WBP1L: variants seen among roughly 807,000 people sequenced by gnomAD.
The protein encoded by WBP1L is WW domain binding protein 1 like, also known as WW domain binding protein 1-like.
Under a neutral mutation model 33.7 loss-of-function variants are expected in WBP1L, and 17 were observed. The observed-to-expected ratio is 0.50, with a 90% CI of 0.34 to 0.76. The LOEUF (loss-of-function observed/expected upper bound fraction) is 0.76. WBP1L is among the 30% of genes least tolerant of loss of function. The pLI, the probability that WBP1L is intolerant of heterozygous loss-of-function variation, is 0.01. For missense variants in WBP1L, 389 were observed against 469.4 expected (o/e 0.83, Z 1.58); for synonymous variants, 173 against 190.8 (o/e 0.91, Z 0.77).
intron 2 of WBP1L, among the ~76,000 whole-genome samples, chr10:102,799,581 G>C (rs1843622784): frequency 2.6e-5 from 4 of 152,160 alleles, no homozygotes; most frequent in Non-Finnish European, 2.9e-5. Context: ...CGAGGCCCCA[G>C]GTGACTGACA....
chr10:102,747,707 C>G (rs1842880489), intron 1 of WBP1L, among the ~76,000 whole-genome samples: 1 of 151,840 alleles, frequency 6.6e-6, no homozygotes, highest in Non-Finnish European at 1.5e-5. Flanking sequence ...TTGTATTTTT[C>G]TGTAGAGATG....
chr10:102,782,093 C>T lies in WBP1L; in HGVS notation c.91-15900C>T, dbSNP rs551110905. On this transcript the variant is annotated intron_variant, in intron 1 of 3. Coordinates refer to ENST00000448841, the MANE Select transcript of WBP1L (RefSeq NM_001083913.2). ...ATGTTGGCCAGGTTGGTCTGAAACT[C>T]CTGACCTCAGGTGATGCACCTGCCA... Among the ~76,000 whole-genome samples the T allele has an allele frequency of 3.9e-5, 6 of 152,154 alleles. 1 individual carries two copies. The South Asian group carries it at 1.0e-3, about 26-fold the overall frequency.
intron 1 of WBP1L, among the ~76,000 whole-genome samples, chr10:102,791,460 A>T (rs528435922): frequency 6.6e-6 from 1 of 152,284 alleles, no homozygotes; most frequent in South Asian, 2.1e-4. Flanking sequence ...AAGGGGGTCA[A>T]TACATATGTG....
chr10:102,799,325 A>G (rs1216942140), intron 2 of WBP1L, among the ~76,000 whole-genome samples: 1 of 141,150 alleles, frequency 7.1e-6, no homozygotes. Flanking sequence ...GGCTCCATCT[A>G]AAAAAAAAAA....
At chr10:102,757,346 C>T (rs985544049) in intron 1 of WBP1L, among the ~76,000 whole-genome samples, 8 of 152,214 alleles carry the variant, frequency 5.3e-5, no homozygotes, top group South Asian at 4.1e-4. Context: ...GTTTGCACAT[C>T]ATCGTGCCCT....
chr10:102,787,601 A>G (rs938404091), intron 1 of WBP1L, among the ~76,000 whole-genome samples: 1 of 151,898 alleles, frequency 6.6e-6, no homozygotes, highest in African/African-American at 2.4e-5. Context: ...AGGGGGAAAA[A>G]AAAGAGAGGG....
chr10:102,802,640 T>G (rs972864327), intron 2 of WBP1L, among the ~76,000 whole-genome samples: 1 of 151,952 alleles, frequency 6.6e-6, no homozygotes, highest in Non-Finnish European at 1.5e-5. Context: ...GAATTACAGG[T>G]GTGCGCCAGC....
chr10:102,808,510 G>A (rs933085067), intron 2 of WBP1L, among the ~76,000 whole-genome samples: 9 of 149,096 alleles, frequency 6.0e-5, no homozygotes, highest in South Asian at 4.2e-4. Flanking sequence ...CCTCTGTTCC[G>A]CCACCCTTCC....
intron 1 of WBP1L, among the ~76,000 whole-genome samples, chr10:102,760,376 C>CTTTTTTT (rs71019612): frequency 1.0e-5 from 1 of 96,216 alleles, no homozygotes. Flanking sequence ...TTCTTTCTTT[C>CTTTTTTT]TTTTTTTTTT....
chr10:102,804,109 CCAGGTGTGGTGACTCA>C (rs1195596112), intron 2 of WBP1L: 3 of 151,998 alleles, frequency 2.0e-5, no homozygotes, highest in African/African-American at 7.3e-5. Context: ...CCTAAGTTGG[CCAGGTGTGGTGACTCA>C]CACCTGTAAT....
At chr10:102,744,417 G>A in intron 1 of WBP1L, 1 of 985,400 alleles carries the variant, frequency 1.0e-6, no homozygotes, top group Non-Finnish European at 1.2e-6. Flanking sequence ...ACTGTGGCTG[G>A]ATAGCGGTGC....
rs779749788 is a variant in WBP1L, at chr10:102,810,564, C to CTTTT, written c.355+526_355+529dup. On this transcript the variant is annotated intron_variant, in intron 3 of 3. Coordinates refer to ENST00000448841, the MANE Select transcript of WBP1L (RefSeq NM_001083913.2). Reference sequence around the variant, plus strand: ...TCCCTCCCTCTCTCTCTCTCTATTTCTTTTTTTTTTTTTTTTTTTGAGATG... The same window carrying CTTTT: ...TCCCTCCCTCTCTCTCTCTCTATTTCTTTTTTTTTTTTTTTTTTTTTTTGAGATG... Among the ~76,000 whole-genome samples the CTTTT allele has an allele frequency of 3.0e-3, 177 of 59,818 alleles. 42 individuals carry two copies. The highest frequency in any genetic ancestry group is 0.021 in the Middle Eastern group (1 of 48). The allele number at this position is 59,818 out of a possible 152,430, so 39.2% of individuals were successfully genotyped here. A position where few individuals can be genotyped will look rare whatever the true frequency, so the allele number is the denominator to read the frequency against.
chr10:102,803,561 A>G (rs1480121839), intron 2 of WBP1L, among the ~76,000 whole-genome samples: 1 of 151,514 alleles, frequency 6.6e-6, no homozygotes, highest in East Asian at 1.9e-4. Context: ...TGTTGGGGAA[A>G]GGAGGGTCAT....
At chr10:102,806,235 TA>T (rs10588358) in intron 2 of WBP1L, among the ~76,000 whole-genome samples, 133 of 145,076 alleles carry the variant, frequency 9.2e-4, no homozygotes, top group East Asian at 3.1e-3. Context: ...AACAATAAAG[TA>T]AAAAAAAAAA....
chr10:102,799,859 C>A (rs1466214079), intron 2 of WBP1L, among the ~76,000 whole-genome samples: 1 of 152,170 alleles, frequency 6.6e-6, no homozygotes, highest in Non-Finnish European at 1.5e-5. Context: ...GTCTGTCCAT[C>A]TGAAATGCAG....
chr10:102,813,304 C>T lies in WBP1L; in HGVS notation c.1065C>T (p.Asn355=). ...CCATCAACGAGCAGGACTCTCCCAACTCCCAGAGCAGCAGCTCCCCCAGCT... is the reference window on the plus strand; with the variant it reads ...CCATCAACGAGCAGGACTCTCCCAATTCCCAGAGCAGCAGCTCCCCCAGCT... ...LNTINEQDSP[N]SQSSSSPS is the part of the protein sequence containing the mutation. The change falls in exon 4 of 4, where the codon AAC becomes AAT. Residue 355 remains asparagine, a synonymous_variant. Transcript: ENST00000448841. The T allele has an allele frequency of 6.2e-7, 1 of 1,610,168 alleles. No homozygotes were observed. Among genetic ancestry groups the T allele is most frequent in the East Asian group, 2.2e-5 (1 of 44,810 alleles).
chr10:102,772,558 CTTT>C (rs34624231), intron 1 of WBP1L, among the ~76,000 whole-genome samples: 2 of 64,714 alleles, frequency 3.1e-5, no homozygotes, highest in African/African-American at 5.8e-5. Flanking sequence ...ATGCCCGGCC[CTTT>C]TTTTTTTTTT....
intron 2 of WBP1L, among the ~76,000 whole-genome samples, chr10:102,798,456 C>G (rs1324086932): frequency 6.6e-6 from 1 of 151,838 alleles, no homozygotes; most frequent in Admixed American, 6.6e-5. Context: ...TTGACGGAGT[C>G]TCGCTCTGTC....
At chr10:102,751,952 G>T (rs1842928050) in intron 1 of WBP1L, among the ~76,000 whole-genome samples, 1 of 152,170 alleles carries the variant, frequency 6.6e-6, no homozygotes, top group Non-Finnish European at 1.5e-5. Flanking sequence ...ATTGCTGTTG[G>T]CAGTCCTCAG....
Sources: gnomAD v4.1 joint callset for allele counts (sites outside exome capture counted in the v4.1 genomes callset) on GRCh38, gnomAD v4.1.1 for gene constraint, MANE v1.5 for transcripts, NCBI Gene and HGNC (gene_info 2026-07-23, HGNC 2026-07-21) for gene names.